The following TTC21B variants were observed in gnomAD, a reference collection of about 807,000 sequenced individuals.
The protein encoded by TTC21B is tetratricopeptide repeat protein 21B.
TTC21B carries 127 observed loss-of-function variants against 175.1 expected under a neutral mutation model. The observed-to-expected ratio is 0.73, with a 90% CI of 0.63 to 0.84. The LOEUF (loss-of-function observed/expected upper bound fraction) is 0.84, where lower values mean the gene tolerates loss of function less well. TTC21B is among the 40% of genes least tolerant of loss of function. The probability of loss-of-function intolerance (pLI) is 0.00; values close to 1 mark genes in which losing one functional copy is unlikely to be tolerated. For synonymous variants in TTC21B, 524 were observed against 524.5 expected (o/e 1.00, Z 0.01); for missense variants, 1,561 against 1,558.3 (o/e 1.00, Z -0.03).
chr2:165,905,670 T>C (rs184278834), intron 19 of TTC21B, among the ~76,000 whole-genome samples: 82 of 151,948 alleles, frequency 5.4e-4, no homozygotes, highest in African/African-American at 1.8e-3. Context: ...TAGAACTAAA[T>C]GGAAAAAAAA....
chr2:165,913,705 A>G (rs1026700154), intron 15 of TTC21B, 59 bp from the exon 16 acceptor site: 2 of 1,392,306 alleles, frequency 1.4e-6, no homozygotes, highest in Non-Finnish European at 2.0e-6. Flanking sequence ...TTCCAAAAAT[A>G]AAATAAAATA....
At chr2:165,887,908 GAAGT>G (rs769726239) in intron 25 of TTC21B, among the ~76,000 whole-genome samples, 5 of 152,156 alleles carry the variant, frequency 3.3e-5, no homozygotes, top group African/African-American at 9.6e-5. Flanking sequence ...TGTAAGTGAA[GAAGT>G]AAGATATCAG....
chr2:165,885,185 A>T (rs533161492), intron 25 of TTC21B, among the ~76,000 whole-genome samples: 28 of 152,268 alleles, frequency 1.8e-4, no homozygotes, highest in African/African-American at 6.7e-4. Flanking sequence ...AGAAATTGTG[A>T]CTGAGGAACG....
Position 165,949,719 on chromosome 2 carries a change from CAA to C in TTC21B, c.25_26del (p.Leu9AspfsTer2). 1 of 1,610,500 alleles carries C rather than the reference CAA, an allele frequency of 6.2e-7. No homozygotes were observed. Among genetic ancestry groups the C allele is most frequent in the Non-Finnish European group, 8.5e-7 (1 of 1,177,416 alleles). On this transcript the variant is annotated frameshift_variant, in exon 2 of 29. Coordinates refer to ENST00000243344, the MANE Select transcript of TTC21B (RefSeq NM_024753.5). LOFTEE classifies it high-confidence loss of function. ...ATCTCTCTTGACAATAGTAATTAATCAAAGTCTAAATGGAAATAATGAAAAAA... is the reference window on the plus strand; with the variant it reads ...ATCTCTCTTGACAATAGTAATTAATCAGTCTAAATGGAAATAATGAAAAAA... MDSQELKTLINYYCQERYF... is the reference protein window; with the variant it reads MDSQELKTXINYYCQERYF...
intron 11 of TTC21B, among the ~76,000 whole-genome samples, chr2:165,926,289 T>C (rs1254542856): frequency 1.3e-5 from 2 of 152,192 alleles, no homozygotes; most frequent in Admixed American, 1.3e-4. Flanking sequence ...GCACATCTGA[T>C]AGAGAAATCC....
At chr2:165,933,725 G>C (rs1477626396) in intron 6 of TTC21B, 1 of 152,156 alleles carries the variant, frequency 6.6e-6, no homozygotes. Context: ...CGTGTCTTCT[G>C]CCATGTAACT....
chr2:165,902,302 T>C (rs1262786166), intron 19 of TTC21B, among the ~76,000 whole-genome samples: 1 of 152,240 alleles, frequency 6.6e-6, no homozygotes, highest in Non-Finnish European at 1.5e-5. Flanking sequence ...TTCTGGAACA[T>C]TGAGATCTTC....
At chr2:165,888,232 T>C (rs762030479) in intron 25 of TTC21B, 47 bp downstream of exon 25, 1 of 1,365,446 alleles carries the variant, frequency 7.3e-7, no homozygotes, top group East Asian at 2.3e-5. Context: ...GTTTCTATAC[T>C]ACCAAATAAA....
At position 165,922,837 on chromosome 2, in the gene TTC21B, C is replaced by T. The variant is rs118095572; in HGVS notation, c.1516+1712G>A. Among the ~76,000 whole-genome samples, 221 of 152,184 alleles carry T rather than the reference C, an allele frequency of 1.5e-3. 4 individuals are homozygous for T. In the East Asian group the frequency reaches 0.022, roughly 15 times the overall value. ...TGCAAAGACATGGAACCAACATAAG[C>T]GTCCATCAACCGATGAGTGGACAAA... On this transcript the variant is annotated intron_variant, in intron 12 of 28. Transcript: ENST00000243344.
intron 24 of TTC21B, 108 bp from the exon 25 acceptor site, chr2:165,888,582 T>C: frequency 1.3e-6 from 1 of 780,598 alleles, no homozygotes; most frequent in Admixed American, 2.3e-5. Context: ...TTTTATACTC[T>C]TTTTGTCACT....
Position 165,929,149 on chromosome 2 carries a change from A to G in TTC21B, c.1372T>C (p.Phe458Leu). 1 of 1,612,768 alleles carries G rather than the reference A, an allele frequency of 6.2e-7. No homozygotes were observed. Among genetic ancestry groups the G allele is most frequent in the African/African-American group, 1.3e-5 (1 of 75,016 alleles). Residue 458 changes from phenylalanine to leucine, a missense_variant, in exon 11 of 29, where the codon TTC becomes CTC. Phe to Leu is a conservative substitution (Grantham distance 22). Coordinates refer to ENST00000243344, the MANE Select transcript of TTC21B (RefSeq NM_024753.5). ...LLEIVMEYLSFCPMQPASPGQ... is the reference protein window; with the variant it reads ...LLEIVMEYLSLCPMQPASPGQ... ...TAATTACTTACCTGCATTGGACAGA[A>G]GCTCAGATACTCCATAACAATTTCT...
intron 12 of TTC21B, among the ~76,000 whole-genome samples, chr2:165,924,269 T>C (rs963871394): frequency 6.6e-6 from 1 of 152,188 alleles, no homozygotes; most frequent in African/African-American, 2.4e-5. Flanking sequence ...TGTAAATTCT[T>C]ATTGCTAGTC....
intron 1 of TTC21B, among the ~76,000 whole-genome samples, chr2:165,951,863 A>C (rs979541340): frequency 2.0e-5 from 3 of 152,226 alleles, no homozygotes; most frequent in Non-Finnish European, 4.4e-5. Context: ...TGGGATAGCA[A>C]CATTTTGACA....
intron 6 of TTC21B, chr2:165,933,927 CTTG>C (rs1446674070): frequency 1.3e-5 from 2 of 152,130 alleles, no homozygotes; most frequent in African/African-American, 4.8e-5. Flanking sequence ...GTGGCTGCTA[CTTG>C]TTGTGAGTCT....
chr2:165,898,725 C>T lies in TTC21B; in HGVS notation c.2911G>A (p.Ala971Thr), dbSNP rs372456560. 6.2e-7 allele frequency: 1 copy of T among 1,613,642 alleles called. No homozygotes were observed. Among genetic ancestry groups the T allele is most frequent in the Non-Finnish European group, 8.5e-7 (1 of 1,179,700 alleles). The change falls in exon 22 of 29, where the codon GCA (alanine) becomes ACA (threonine). Residue 971 changes from alanine to threonine, a missense_variant. Transcript: ENST00000243344. ...LMFRKQDYEQ[A>T]VFHLQQLLER... ...AAAAGCTGCTGTAAATGAAACACTG[C>T]TTGTTCATAGTCTTGTTTTCTGAAC... is the stretch of plus-strand genomic sequence containing the variant.
chr2:165,878,672 T>C (rs1684746899), intron 27 of TTC21B, among the ~76,000 whole-genome samples: 1 of 149,748 alleles, frequency 6.7e-6, no homozygotes. Context: ...GGAAAGAGCA[T>C]GAGCACGATT....
intron 6 of TTC21B, chr2:165,934,830 T>G (rs1687067236): frequency 6.6e-6 from 1 of 151,936 alleles, no homozygotes; most frequent in Admixed American, 6.6e-5. Context: ...GAGTGTAAAT[T>G]AGTACAATTT....
chr2:165,904,272 A>T (rs1685657316), intron 19 of TTC21B, among the ~76,000 whole-genome samples: 1 of 152,214 alleles, frequency 6.6e-6, no homozygotes, highest in Non-Finnish European at 1.5e-5. Flanking sequence ...TAAGAGCTAA[A>T]ATGTACCAAT....
In TTC21B at chr2:165,941,120, A is replaced by T; in HGVS notation, c.617T>A (p.Val206Glu). Residue 206 changes from valine to glutamate, a missense_variant, in exon 6 of 29, where the codon GTG becomes GAG. Val to Glu is a moderately radical substitution (Grantham distance 121). Transcript: ENST00000243344. ...AGCAGGAAGGAAGCTCGGAAAATTC[A>T]CGATTATCTGGTTCACAGTCTCCAG... The part of the protein sequence containing the change: ...GALETVNQII[V>E]NFPSFLPAFV... 2 of 1,613,904 alleles carry T rather than the reference A, an allele frequency of 1.2e-6. No homozygotes were observed. The highest frequency in any genetic ancestry group is 1.7e-6 in the Non-Finnish European group (2 of 1,179,864).
Sources: allele counts gnomAD v4.1 joint callset (sites outside exome capture counted in the v4.1 genomes callset), GRCh38; gene constraint gnomAD v4.1.1; transcripts MANE v1.5; gene names NCBI Gene and HGNC (gene_info 2026-07-23, HGNC 2026-07-21).